Variants in CADM2 observed in about 807,000 individuals in gnomAD.
CADM2 encodes immunoglobulin superfamily member 4D.
Under a neutral mutation model 49.8 loss-of-function variants are expected in CADM2, and 12 were observed. The ratio of observed to expected loss-of-function variants is 0.24; its 90% CI spans 0.15 to 0.39. The LOEUF (loss-of-function observed/expected upper bound fraction) is 0.39, where lower values mean the gene tolerates loss of function less well. CADM2 is among the 10% of genes least tolerant of loss of function. CADM2 has a pLI of 1.00. For synonymous variants in CADM2, 214 were observed against 175.4 expected, an observed-to-expected ratio of 1.22 and a Z score of -1.74; for missense variants, 378 against 492.3, an observed-to-expected ratio of 0.77 and a Z score of 2.20.
intron 1 of CADM2, among the ~76,000 whole-genome samples, chr3:85,458,355 G>C (rs1200761869): frequency 2.6e-5 from 4 of 152,132 alleles, no homozygotes; most frequent in African/African-American, 9.7e-5. Context: ...CTGTGGGAAG[G>C]ATATCTTTGA....
At chr3:85,293,102 G>A (rs2043849673) in intron 1 of CADM2, among the ~76,000 whole-genome samples, 1 of 151,918 alleles carries the variant, frequency 6.6e-6, no homozygotes, top group Admixed American at 6.6e-5. Context: ...ATGATAAAGG[G>A]GATATCATCA....
intron 8 of CADM2, chr3:85,992,166 ATC>A (rs1728857233): frequency 6.6e-6 from 1 of 151,984 alleles, no homozygotes; most frequent in South Asian, 2.1e-4. Context: ...TATTGAAATA[ATC>A]TGTTACATTT....
chr3:85,362,943 G>A (rs930181378), intron 1 of CADM2, among the ~76,000 whole-genome samples: 2 of 152,070 alleles, frequency 1.3e-5, no homozygotes, highest in Admixed American at 1.3e-4. Flanking sequence ...GAGTCTCAGG[G>A]CATCTCTATT....
chr3:85,736,578 A>C (rs1468302198), intron 2 of CADM2, among the ~76,000 whole-genome samples: 1 of 152,124 alleles, frequency 6.6e-6, no homozygotes, highest in Non-Finnish European at 1.5e-5. Context: ...ATTAGAGGGG[A>C]TAGATAGGCA....
intron 1 of CADM2, among the ~76,000 whole-genome samples, chr3:85,267,734 AAAC>A (rs1163246170): frequency 2.0e-5 from 3 of 151,584 alleles, no homozygotes; most frequent in African/African-American, 4.8e-5. Context: ...AATTGGACAT[AAAC>A]AAAAACTGAC....
intron 1 of CADM2, among the ~76,000 whole-genome samples, chr3:85,560,334 A>G (rs2062062469): frequency 6.6e-6 from 1 of 152,214 alleles, no homozygotes; most frequent in Admixed American, 6.5e-5. Flanking sequence ...TTGTGTTAAA[A>G]CCATTATTGA....
intron 2 of CADM2, among the ~76,000 whole-genome samples, chr3:85,797,137 C>T (rs1169433915): frequency 6.6e-6 from 1 of 151,196 alleles, no homozygotes; most frequent in African/African-American, 2.4e-5. Flanking sequence ...ATTACCTGTC[C>T]AAAGCAGAAG....
intron 2 of CADM2, among the ~76,000 whole-genome samples, chr3:85,796,739 G>A (rs1486026881): frequency 2.6e-5 from 4 of 152,066 alleles, no homozygotes; most frequent in Non-Finnish European, 4.4e-5. Context: ...TCCAGTGGGG[G>A]AACAGCGCTT....
chr3:85,351,085 G>A (rs60819289), intron 1 of CADM2, among the ~76,000 whole-genome samples: 3,469 of 152,050 alleles, frequency 0.023, 101 homozygotes, highest in African/African-American at 0.071. Flanking sequence ...TAGTGCCATC[G>A]TCTGGAAGGG....
intron 1 of CADM2, among the ~76,000 whole-genome samples, chr3:85,597,678 G>T (rs1449402): frequency 6.6e-6 from 1 of 151,808 alleles, no homozygotes; most frequent in Non-Finnish European, 1.5e-5. Flanking sequence ...TTTTGAATCA[G>T]AGGACATTTT....
chr3:85,595,365 G>C (rs773936372), intron 1 of CADM2, among the ~76,000 whole-genome samples: 9 of 152,006 alleles, frequency 5.9e-5, no homozygotes, highest in Non-Finnish European at 1.3e-4. Flanking sequence ...TCCAATTTAA[G>C]AACATGGCTA....
chr3:85,916,193 T>A (rs1718288567), intron 6 of CADM2, among the ~76,000 whole-genome samples: 2 of 152,198 alleles, frequency 1.3e-5, no homozygotes. Flanking sequence ...TATTATACTT[T>A]AAGTTTTAGG....
In CADM2 at chr3:85,024,723, T is replaced by G. The variant is rs572343503; in HGVS notation, c.61+65055T>G. ...CGTCACTGAAAATACGTTAATTAAT[T>G]TATCCATTAAAAAACTAAATTCTTG... On this transcript the variant is annotated intron_variant, in intron 1 of 9. Transcript: ENST00000383699. 2.6e-5 allele frequency among the ~76,000 whole-genome samples: 4 copies of G among 151,938 alleles called. No homozygotes were observed. The South Asian group carries it at 8.3e-4, about 31-fold the overall frequency.
At chr3:85,859,224 CTTTTTTTTTTT>C (rs397990427) in intron 3 of CADM2, among the ~76,000 whole-genome samples, 2 of 70,596 alleles carry the variant, frequency 2.8e-5, no homozygotes, top group African/African-American at 5.9e-5. Flanking sequence ...TTTTTTTTGT[CTTTTTTTTTTT>C]TTTTTTTTTT....
chr3:85,546,689 G>A (rs1383065366), intron 1 of CADM2, among the ~76,000 whole-genome samples: 3 of 152,216 alleles, frequency 2.0e-5, no homozygotes, highest in African/African-American at 7.2e-5. Context: ...ATACTAAGAT[G>A]AGGACTGCAT....
At chr3:85,355,836 G>A (rs2031811141) in intron 1 of CADM2, among the ~76,000 whole-genome samples, 1 of 151,892 alleles carries the variant, frequency 6.6e-6, no homozygotes, top group Non-Finnish European at 1.5e-5. Context: ...GAAGAAGAGT[G>A]GGCTAGTGAT....
chr3:84,981,729 T>C lies in CADM2; in HGVS notation c.61+22061T>C, dbSNP rs1391083959. Among the ~76,000 whole-genome samples the C allele has an allele frequency of 2.6e-5, 4 of 152,258 alleles. No individual in the cohort carries two copies. The East Asian group carries it at 7.7e-4, about 29-fold the overall frequency. On this transcript the variant is annotated intron_variant, in intron 1 of 9. Coordinates refer to ENST00000383699, the MANE Select transcript of CADM2 (RefSeq NM_001167675.2). ...AAATCAGAATATACTGCAAAGAGTC[T>C]TTCTCTTTGTTGGAAGTATTAAATA...
chr3:86,033,506 GGA>G (rs1734784590), intron 8 of CADM2, among the ~76,000 whole-genome samples: 1 of 151,412 alleles, frequency 6.6e-6, no homozygotes, highest in Non-Finnish European at 1.5e-5. Flanking sequence ...ATAGGTGTGG[GGA>G]GTTTTATTTT....
At chr3:85,529,049 G>A (rs560206305) in intron 1 of CADM2, among the ~76,000 whole-genome samples, 404 of 152,036 alleles carry the variant, frequency 2.7e-3, no homozygotes, top group Non-Finnish European at 4.6e-3. Context: ...GGAATTATTA[G>A]AACATTTTAT....
Sources: allele counts gnomAD v4.1 joint callset (sites outside exome capture counted in the v4.1 genomes callset), GRCh38; gene constraint gnomAD v4.1.1; transcripts MANE v1.5; gene names NCBI Gene and HGNC (gene_info 2026-07-23, HGNC 2026-07-21).